Variants in ITGB1BP1 observed in about 807,000 individuals in gnomAD.
ITGB1BP1 encodes integrin beta-1-binding protein 1.
ITGB1BP1 carries 20 observed loss-of-function variants against 28.0 expected under a neutral mutation model. That is an observed-to-expected ratio of 0.71 (90% CI 0.50 to 1.04). The LOEUF is 1.04. Ranked by LOEUF, ITGB1BP1 falls within the 50% of genes least tolerant of loss-of-function variation. The pLI is 0.00. For missense variants in ITGB1BP1, 228 were observed against 242.5 expected (o/e 0.94, Z 0.40); for synonymous variants, 103 against 89.5 (o/e 1.15, Z -0.85).
chr2:9,408,469 C>A (rs186495355), intron 4 of ITGB1BP1: 2 of 319,204 alleles, frequency 6.3e-6, no homozygotes, highest in South Asian at 8.9e-5. Flanking sequence ...CTCGTTGCAA[C>A]GTCTGCCTCC....
At chr2:9,407,271 T>G in intron 6 of ITGB1BP1, 178 bp downstream of exon 6, 1 of 677,302 alleles carries the variant, frequency 1.5e-6, no homozygotes, top group Non-Finnish European at 2.5e-6. Context: ...CTAACAAATA[T>G]TTCACAAACC....
intron 4 of ITGB1BP1, among the ~76,000 whole-genome samples, chr2:9,410,738 CAATTAA>C (rs986033994): frequency 5.1e-4 from 78 of 152,300 alleles, no homozygotes; most frequent in Non-Finnish European, 9.4e-4. Flanking sequence ...CTGTACTCAG[CAATTAA>C]AATTGTTTTT....
Position 9,406,683 on chromosome 2 carries a change from T to C in ITGB1BP1, c.*151A>G, listed in dbSNP as rs1178987281. ...ACTCACTGTGTAATAGGACACATTTTAATAAACAAATGATCAGCATTTTAC... is the reference window on the plus strand; with the variant it reads ...ACTCACTGTGTAATAGGACACATTTCAATAAACAAATGATCAGCATTTTAC... On this transcript the variant is annotated 3_prime_UTR_variant, in exon 7 of 7. Coordinates refer to ENST00000355346, the MANE Select transcript of ITGB1BP1 (RefSeq NM_004763.5). 3.1e-6 allele frequency: 2 copies of C among 649,542 alleles called. No homozygotes were observed. Among genetic ancestry groups the C allele is most frequent in the Non-Finnish European group, 5.6e-6 (2 of 357,538 alleles). The allele number at this position is 649,542 out of a possible 1,614,324, so 40.2% of individuals were successfully genotyped here. A position where few individuals can be genotyped will look rare whatever the true frequency, so the allele number is the denominator to read the frequency against.
At chr2:9,407,213 CTTTG>C in intron 6 of ITGB1BP1, 2 of 608,110 alleles carry the variant, frequency 3.3e-6, no homozygotes, top group Non-Finnish European at 5.8e-6. Flanking sequence ...TCCTCAGCTG[CTTTG>C]TTTACCTTTT....
At chr2:9,410,302 G>T (rs552259053) in intron 4 of ITGB1BP1, among the ~76,000 whole-genome samples, 1 of 152,048 alleles carries the variant, frequency 6.6e-6, no homozygotes, top group Non-Finnish European at 1.5e-5. Flanking sequence ...TACAATGATG[G>T]CTCACTGCAA....
Position 9,404,002 on chromosome 2 carries a change from G to A in ITGB1BP1, c.*2832C>T, listed in dbSNP as rs1676972343. On this transcript the variant is annotated 3_prime_UTR_variant, in exon 7 of 7. Transcript: ENST00000355346. The stretch of plus-strand genomic sequence containing the variant: ...ACGTAGGGTAACTACAGTTCATTCT[G>A]TTCCAGGTTATATAAAACTGCATTT... 1 of 152,186 alleles carries A rather than the reference G, an allele frequency of 6.6e-6. No individual in the cohort carries two copies. Among genetic ancestry groups the A allele is most frequent in the South Asian group, 2.1e-4 (1 of 4,828 alleles). The allele number at this position is 152,186 out of a possible 1,614,324, so 9.4% of individuals were successfully genotyped here.
intron 2 of ITGB1BP1, among the ~76,000 whole-genome samples, chr2:9,416,513 A>G (rs980495638): frequency 1.2e-4 from 19 of 152,160 alleles, no homozygotes; most frequent in African/African-American, 4.6e-4. Flanking sequence ...TTTGGGCTCA[A>G]GCTGCCACTC....
At chr2:9,423,557 C>G, upstream of ITGB1BP1, 4 of 1,147,502 alleles carry the variant, frequency 3.5e-6, no homozygotes, top group South Asian at 1.7e-5. Flanking sequence ...CGTCCTACCC[C>G]CGGTTCCAAG....
At chr2:9,410,684 C>T (rs1019029195) in intron 4 of ITGB1BP1, among the ~76,000 whole-genome samples, 2 of 152,172 alleles carry the variant, frequency 1.3e-5, no homozygotes, top group Non-Finnish European at 2.9e-5. Flanking sequence ...AAGTGATCTG[C>T]CCCCCTTGGC....
chr2:9,408,085 A>G, intron 5 of ITGB1BP1, 28 bp downstream of exon 5: 2 of 1,216,990 alleles, frequency 1.6e-6, no homozygotes, highest in Non-Finnish European at 1.2e-6. Context: ...TCTAAAACAT[A>G]GTTTTCTTAA....
At chr2:9,422,400 T>C in intron 1 of ITGB1BP1, 1 of 985,490 alleles carries the variant, frequency 1.0e-6, no homozygotes, top group Non-Finnish European at 1.2e-6. Context: ...CTCCTGGTTC[T>C]CAGCGCGATG....
chr2:9,420,024 G>A (rs1679606435), intron 1 of ITGB1BP1: 5 of 979,426 alleles, frequency 5.1e-6, no homozygotes, highest in Non-Finnish European at 6.1e-6. Context: ...GTCTTCAAAG[G>A]TCCCACATAC....
intron 1 of ITGB1BP1, among the ~76,000 whole-genome samples, chr2:9,419,524 C>A (rs1317082946): frequency 6.6e-6 from 1 of 152,178 alleles, no homozygotes; most frequent in African/African-American, 2.4e-5. Context: ...GCCAGCACCT[C>A]ACCTCCCCTC....
chr2:9,422,072 C>T (rs750579157), intron 1 of ITGB1BP1, among the ~76,000 whole-genome samples: 27 of 152,288 alleles, frequency 1.8e-4, no homozygotes, highest in Non-Finnish European at 3.5e-4. Context: ...CACATCCATA[C>T]AAAGTTTGGC....
In ITGB1BP1 at chr2:9,405,315, CTATTTA is replaced by C. The variant is rs918688040; in HGVS notation, c.*1513_*1518del. 1.2e-4 allele frequency: 18 copies of C among 152,386 alleles called. No individual in the cohort carries two copies. The highest frequency in any genetic ancestry group is 6.5e-4 in the Admixed American group (10 of 15,274). The allele number at this position is 152,386 out of a possible 1,614,324, so 9.4% of individuals were successfully genotyped here. On this transcript the variant is annotated 3_prime_UTR_variant, in exon 7 of 7. Transcript: ENST00000355346. ...AGAGAAAGAAAAACATTGTAGATAT[CTATTTA>C]TATTTAAAGTTTATGTTTCATGAAC...
intron 4 of ITGB1BP1, among the ~76,000 whole-genome samples, chr2:9,409,947 C>G (rs1005171561): frequency 6.7e-6 from 1 of 149,484 alleles, no homozygotes; most frequent in Non-Finnish European, 1.5e-5. Flanking sequence ...TGGGTTCAAG[C>G]GATTCTCCTG....
In ITGB1BP1 at chr2:9,404,538, G is replaced by A. The variant is rs1252199496; in HGVS notation, c.*2296C>T. The A allele has an allele frequency of 1.3e-5, 2 of 152,342 alleles. No individual in the cohort carries two copies. The highest frequency in any genetic ancestry group is 4.8e-5 in the African/African-American group (2 of 41,440). 9.4% of individuals were successfully genotyped at this position (152,342 alleles called of 1,614,324 possible). A position where few individuals can be genotyped will look rare whatever the true frequency, so the allele number is the denominator to read the frequency against. On this transcript the variant is annotated 3_prime_UTR_variant, in exon 7 of 7. Transcript: ENST00000355346. ...CTCTATTTAGTAATTGCGAGGGTAA[G>A]ATTCATAGTAGGAATATTGGAAATT...
At chr2:9,412,042 CAA>C (rs56249290) in intron 4 of ITGB1BP1, 16,803 of 226,320 alleles carry the variant, frequency 0.074, no homozygotes, top group Middle Eastern at 0.11. Context: ...AACTTGGTCT[CAA>C]AAAAAAAAAA....
At chr2:9,421,934 T>C (rs1679924339) in intron 1 of ITGB1BP1, among the ~76,000 whole-genome samples, 1 of 152,168 alleles carries the variant, frequency 6.6e-6, no homozygotes, top group African/African-American at 2.4e-5. Flanking sequence ...CAAGACCCAC[T>C]GTATACCCCA....
Sources: gnomAD v4.1 joint callset for allele counts (sites outside exome capture counted in the v4.1 genomes callset) on GRCh38, gnomAD v4.1.1 for gene constraint, MANE v1.5 for transcripts, NCBI Gene and HGNC (gene_info 2026-07-23, HGNC 2026-07-21) for gene names.